The following PKD1L3 variants were observed in gnomAD, a reference collection of about 807,000 sequenced individuals.
PKD1L3 encodes polycystin 1 like 3, transient receptor potential channel interacting, also known as polycystin-1-like protein 3.
In PKD1L3, 239 loss-of-function variants were observed where a neutral mutation model predicts 184.1. The ratio of observed to expected loss-of-function variants is 1.30; its 90% CI spans 1.17 to 1.45. The LOEUF is 1.45. Among genes scored for constraint, PKD1L3 ranks in the 40% most tolerant of loss-of-function variants. The pLI, the probability that PKD1L3 is intolerant of heterozygous loss-of-function variation, is 0.00. For missense variants in PKD1L3, 2,660 were observed against 2,067.2 expected, an observed-to-expected ratio of 1.29 and a Z score of -5.56; for synonymous variants, 996 against 778.8, an observed-to-expected ratio of 1.28 and a Z score of -4.64.
Position 71,933,903 on chromosome 16 carries a change from G to A in PKD1L3, c.4824+12C>T, listed in dbSNP as rs550475982. ...CACACGGAGAAGGAGAGACAGCAAC[G>A]TGGGGGCTTACGGCAATGGCATAGC... On this transcript the variant is annotated intron_variant, in intron 27 of 29. Transcript: ENST00000620267. The A allele has an allele frequency of 9.0e-6, 14 of 1,549,276 alleles. No individual in the cohort carries two copies. Among genetic ancestry groups the A allele is most frequent in the East Asian group, 4.9e-5 (2 of 40,846 alleles).
chr16:71,998,361 AG>A lies in PKD1L3; in HGVS notation c.328del (p.Leu110SerfsTer22). 1 of 1,551,754 alleles carries A rather than the reference AG, an allele frequency of 6.4e-7. No homozygotes were observed. Among genetic ancestry groups the A allele is most frequent in the Non-Finnish European group, 8.7e-7 (1 of 1,146,986 alleles). On this transcript the variant is annotated frameshift_variant, in exon 2 of 30. Coordinates refer to ENST00000620267, the MANE Select transcript of PKD1L3 (RefSeq NM_181536.2). LOFTEE classifies it high-confidence loss of function. The part of the protein sequence containing the change: ...DVAANGPPKP[L>X]SCTYLSRNFI... ...GTTTCTGGACAGGTAGGTGCAGCTG[AG>A]GGGCTTTGGGGGCCCGTTGGCTGCA...
rs1688488703 is a variant in PKD1L3, at chr16:71,977,412, C to A, written c.1583G>T (p.Ser528Ile). ...CACTGTGATTGTAAGCTGATGTGTG[C>A]TCATGTTGAGGCTGGTGGGATGGGT... Reference protein sequence around the residue: ...LETHPTSLNMSTHQLTITVNV... With the variant: ...LETHPTSLNMITHQLTITVNV... The change falls in exon 11 of 30, where the codon AGC becomes ATC. Residue 528 changes from serine (S) to isoleucine (I), a missense_variant. Transcript: ENST00000620267. 3.2e-6 allele frequency: 5 copies of A among 1,551,570 alleles called. No individual in the cohort carries two copies. Among genetic ancestry groups the A allele is most frequent in the Non-Finnish European group, 4.4e-6 (5 of 1,146,936 alleles).
intron 24 of PKD1L3, 75 bp from the exon 25 acceptor site, chr16:71,937,494 A>G (rs1288884881): frequency 1.1e-4 from 159 of 1,479,898 alleles, no homozygotes; most frequent in Non-Finnish European, 1.4e-4. Context: ...TTGTCTTTGA[A>G]TAACCCCAAC....
intron 28 of PKD1L3, among the ~76,000 whole-genome samples, chr16:71,932,278 A>G (rs955516420): frequency 6.6e-6 from 1 of 152,102 alleles, no homozygotes; most frequent in Non-Finnish European, 1.5e-5. Context: ...GGTCATATCT[A>G]CCCTTTACAT....
At chr16:71,989,037 A>C (rs532041036) in intron 4 of PKD1L3, among the ~76,000 whole-genome samples, 5 of 152,330 alleles carry the variant, frequency 3.3e-5, no homozygotes, top group South Asian at 2.1e-4. Flanking sequence ...GCCATTTTTC[A>C]AATGCCTTTA....
In PKD1L3 at chr16:71,986,340, C is replaced by G. The variant is rs1035808747; in HGVS notation, c.715G>C (p.Val239Leu). ...GATTGCCCAGCATGCGTGACAGACA[C>G]GGGCATGGTGAGCTGTGTTATCACA... ...LPVITQLTMP[V>L]SVTHAGQSLA... Residue 239 changes from valine to leucine, a missense_variant, in exon 5 of 30, where the codon GTG becomes CTG. Physicochemically the swap from Val to Leu is conservative, Grantham distance 32. Coordinates refer to ENST00000620267, the MANE Select transcript of PKD1L3 (RefSeq NM_181536.2). 2.6e-6 allele frequency: 4 copies of G among 1,551,896 alleles called. No homozygotes were observed. The highest frequency in any genetic ancestry group is 1.4e-5 in the African/African-American group (1 of 73,012).
chr16:71,997,540 G>T (rs954657820), intron 2 of PKD1L3, among the ~76,000 whole-genome samples: 3 of 152,018 alleles, frequency 2.0e-5, no homozygotes, highest in Non-Finnish European at 4.4e-5. Context: ...TCTGAGGTTG[G>T]GAGTTCGAGA....
intron 2 of PKD1L3, among the ~76,000 whole-genome samples, chr16:71,995,002 A>G (rs2040734829): frequency 6.6e-6 from 1 of 152,088 alleles, no homozygotes; most frequent in Non-Finnish European, 1.5e-5. Context: ...AAAAAAAAAC[A>G]GTTGACTTAA....
At position 71,947,657 on chromosome 16, in the gene PKD1L3, T is replaced by C; in HGVS notation, c.3619-66A>G. ...AGACCCAGGAAGATAATACCGTATG[T>C]AAAGGAAGAGGTGGGCACTCATGAA... is the stretch of plus-strand genomic sequence containing the variant. On this transcript the variant is annotated intron_variant, in intron 21 of 29. Coordinates refer to ENST00000620267, the MANE Select transcript of PKD1L3 (RefSeq NM_181536.2). 2.7e-6 allele frequency: 3 copies of C among 1,106,646 alleles called. No homozygotes were observed. In the South Asian group the frequency reaches 4.2e-5, roughly 16 times the overall value. 68.6% of individuals were successfully genotyped at this position (1,106,646 alleles called of 1,614,324 possible). A position where few individuals can be genotyped will look rare whatever the true frequency, so the allele number is the denominator to read the frequency against.
At chr16:71,965,967 C>T (rs1261647082) in intron 15 of PKD1L3, among the ~76,000 whole-genome samples, 1 of 151,902 alleles carries the variant, frequency 6.6e-6, no homozygotes, top group African/African-American at 2.4e-5. Flanking sequence ...ATACATTATT[C>T]ACTTTTTTAA....
intron 28 of PKD1L3, chr16:71,931,083 G>C (rs2037941725): frequency 6.6e-6 from 1 of 151,990 alleles, no homozygotes; most frequent in Non-Finnish European, 1.5e-5. Flanking sequence ...TTTATTTTTT[G>C]TTTGCTCTAT....
intron 8 of PKD1L3, 35 bp from the exon 9 acceptor site, chr16:71,979,947 G>T (rs1188797707): frequency 1.9e-6 from 3 of 1,549,236 alleles, no homozygotes; most frequent in African/African-American, 2.7e-5. Context: ...GTCAATTTTT[G>T]TGTGTCCTCT....
chr16:71,970,862 AG>A (rs2039684435), intron 12 of PKD1L3, among the ~76,000 whole-genome samples: 1 of 152,238 alleles, frequency 6.6e-6, no homozygotes, highest in South Asian at 2.1e-4. Flanking sequence ...GATGAATTAG[AG>A]GTAGATGTAT....
intron 4 of PKD1L3, among the ~76,000 whole-genome samples, chr16:71,990,071 C>G (rs189169294): frequency 7.5e-6 from 1 of 134,184 alleles, no homozygotes; most frequent in South Asian, 2.4e-4. Flanking sequence ...AAAGTGAGAC[C>G]CTGTCTCTCC....
chr16:71,997,732 G>C (rs891818997), intron 2 of PKD1L3, among the ~76,000 whole-genome samples: 2 of 150,560 alleles, frequency 1.3e-5, no homozygotes, highest in African/African-American at 4.9e-5. Context: ...TGGGCAACAA[G>C]AGCAAAACTC....
intron 2 of PKD1L3, among the ~76,000 whole-genome samples, chr16:71,996,190 AGTCAT>A (rs2040776377): frequency 6.6e-6 from 1 of 151,498 alleles, no homozygotes; most frequent in Admixed American, 6.6e-5. Flanking sequence ...ACGCTGATAC[AGTCAT>A]GTCAAAATTT....
chr16:71,977,422 G>A lies in PKD1L3; in HGVS notation c.1573C>T (p.Leu525Phe). The change falls in exon 11 of 30, where the codon CTC (leucine) becomes TTC (phenylalanine). Residue 525 changes from leucine to phenylalanine, a missense_variant. Physicochemically the swap from Leu to Phe is conservative, Grantham distance 22. Transcript: ENST00000620267. The stretch of plus-strand genomic sequence containing the variant: ...GTAAGCTGATGTGTGCTCATGTTGA[G>A]GCTGGTGGGATGGGTTTCCAAGCTA... ...NVSLETHPTS[L>F]NMSTHQLTIT... 1.3e-6 allele frequency: 2 copies of A among 1,551,586 alleles called. No individual in the cohort carries two copies. Among genetic ancestry groups the A allele is most frequent in the Non-Finnish European group, 1.7e-6 (2 of 1,146,916 alleles).
intron 16 of PKD1L3, among the ~76,000 whole-genome samples, chr16:71,959,044 A>T (rs1474833033): frequency 3.5e-5 from 5 of 143,022 alleles, no homozygotes; most frequent in Non-Finnish European, 7.5e-5. Flanking sequence ...AGATTGCACC[A>T]CTGCACTCCA....
At chr16:71,929,857 G>C in intron 29 of PKD1L3, 179 bp from the exon 30 acceptor site, 1 of 958,454 alleles carries the variant, frequency 1.0e-6, no homozygotes, top group Non-Finnish European at 1.5e-6. Context: ...CTATTTATAG[G>C]ACAATGGCTA....
Sources: gnomAD v4.1 joint callset for allele counts (sites outside exome capture counted in the v4.1 genomes callset) on GRCh38, gnomAD v4.1.1 for gene constraint, MANE v1.5 for transcripts, NCBI Gene and HGNC (gene_info 2026-07-23, HGNC 2026-07-21) for gene names.